Variants in SLC4A4 observed in about 807,000 individuals in gnomAD.
SLC4A4 encodes electrogenic sodium bicarbonate cotransporter 1.
Under a neutral mutation model 111.5 loss-of-function variants are expected in SLC4A4, and 27 were observed. The ratio of observed to expected loss-of-function variants is 0.24; its 90% CI spans 0.18 to 0.33. The LOEUF (loss-of-function observed/expected upper bound fraction) is 0.33, where lower values mean the gene tolerates loss of function less well. SLC4A4 is among the 10% of genes least tolerant of loss of function. The probability of loss-of-function intolerance (pLI) is 1.00; values close to 1 mark genes in which losing one functional copy is unlikely to be tolerated. For synonymous variants in SLC4A4, 443 were observed against 463.4 expected, an observed-to-expected ratio of 0.96 and a Z score of 0.57; for missense variants, 909 against 1,315.5, an observed-to-expected ratio of 0.69 and a Z score of 4.78.
chr4:71,279,221 CA>C (rs1179811211), intron 3 of SLC4A4, among the ~76,000 whole-genome samples: 2 of 152,188 alleles, frequency 1.3e-5, no homozygotes, highest in African/African-American at 4.8e-5. Context: ...CTTTGAGCAA[CA>C]CCTCCCATTC....
intron 20 of SLC4A4, among the ~76,000 whole-genome samples, chr4:71,553,090 A>G (rs767983486): frequency 6.6e-5 from 10 of 151,906 alleles, no homozygotes; most frequent in Non-Finnish European, 1.5e-4. Context: ...ATGTTGCATT[A>G]TCATAAGGAA....
chr4:71,292,147 A>G (rs190138231), intron 3 of SLC4A4, among the ~76,000 whole-genome samples: 31 of 152,358 alleles, frequency 2.0e-4, no homozygotes, highest in African/African-American at 7.5e-4. Context: ...CAGTAGTCTC[A>G]ATTATAAAAC....
At chr4:71,467,914 G>A (rs1482534375) in intron 13 of SLC4A4, among the ~76,000 whole-genome samples, 1 of 151,812 alleles carries the variant, frequency 6.6e-6, no homozygotes, top group Non-Finnish European at 1.5e-5. Flanking sequence ...TACATTTTTA[G>A]GATTTTAATT....
At chr4:71,100,406 T>C (rs1369341137) in intron 2 of SLC4A4, among the ~76,000 whole-genome samples, 1 of 151,130 alleles carries the variant, frequency 6.6e-6, no homozygotes, top group Non-Finnish European at 1.5e-5. Context: ...AAATTCAACA[T>C]TCCTTCATTC....
chr4:71,294,188 C>T (rs1014399171), intron 3 of SLC4A4, among the ~76,000 whole-genome samples: 2 of 152,136 alleles, frequency 1.3e-5, no homozygotes, highest in Middle Eastern at 3.2e-3. Context: ...AGTAAGATTT[C>T]TTTGAATTTA....
intron 1 of SLC4A4, among the ~76,000 whole-genome samples, chr4:71,231,182 G>C (rs73828771): frequency 6.6e-6 from 1 of 152,184 alleles, no homozygotes; most frequent in Non-Finnish European, 1.5e-5. Flanking sequence ...GCACTGTGAC[G>C]GGGCAGGCTT....
chr4:71,331,411 A>T (rs533343918), intron 3 of SLC4A4, among the ~76,000 whole-genome samples: 1 of 152,290 alleles, frequency 6.6e-6, no homozygotes, highest in East Asian at 1.9e-4. Context: ...ATAAAAAATG[A>T]TGAGTTCATG....
At chr4:71,560,784 A>C (rs145716236) in intron 23 of SLC4A4, among the ~76,000 whole-genome samples, 264 of 151,900 alleles carry the variant, frequency 1.7e-3, no homozygotes, top group Non-Finnish European at 3.1e-3. Context: ...ATTTTTCTGT[A>C]GTTCTTCAAT....
In SLC4A4 at chr4:71,455,620, T is replaced by C. The variant is rs991789253; in HGVS notation, c.1497+1951T>C. 1.1e-4 allele frequency among the ~76,000 whole-genome samples: 17 copies of C among 152,162 alleles called. 1 individual carries two copies. The highest frequency in any genetic ancestry group is 3.9e-4 in the Admixed American group (6 of 15,268). On this transcript the variant is annotated intron_variant, in intron 12 of 25. Transcript: ENST00000264485. ...TTTGAGAGGGCGGTAAGAACAAAAC[T>C]GTCTTCCGTCTGTCAGAATGTATAG... is the stretch of plus-strand genomic sequence containing the variant.
chr4:71,127,342 A>C (rs1410004071), intron 2 of SLC4A4, among the ~76,000 whole-genome samples: 1 of 152,226 alleles, frequency 6.6e-6, no homozygotes, highest in Non-Finnish European at 1.5e-5. Flanking sequence ...ACAGCTACAC[A>C]TACTATAATA....
In SLC4A4 at chr4:71,100,226, C is replaced by T. The variant is rs13142068; in HGVS notation, c.-2+7434C>T. Among the ~76,000 whole-genome samples, 673 of 152,124 alleles carry T rather than the reference C, an allele frequency of 4.4e-3. 7 individuals carry two copies. The highest frequency in any genetic ancestry group is 7.1e-3 in the Non-Finnish European group (480 of 68,014). On this transcript the variant is annotated intron_variant, in intron 2 of 26. Transcript: ENST00000649996. ...CAATGAAATACTTGCAAATCGAATC[C>T]AGCAGCACATCAAAAAGCTAATCCA... is the stretch of plus-strand genomic sequence containing the variant.
intron 3 of SLC4A4, among the ~76,000 whole-genome samples, chr4:71,270,870 T>C (rs1301007054): frequency 6.6e-6 from 1 of 152,240 alleles, no homozygotes; most frequent in African/African-American, 2.4e-5. Context: ...CTGCACTGTC[T>C]TCTAAGCAAA....
intron 2 of SLC4A4, among the ~76,000 whole-genome samples, chr4:71,096,200 A>G (rs957735124): frequency 1.3e-5 from 2 of 152,154 alleles, no homozygotes; most frequent in Admixed American, 6.5e-5. Context: ...TGACTCACAA[A>G]GGTAGAAAAT....
chr4:71,562,588 T>C (rs1043921375), intron 23 of SLC4A4, among the ~76,000 whole-genome samples: 2 of 151,726 alleles, frequency 1.3e-5, no homozygotes, highest in African/African-American at 4.8e-5. Context: ...CTTTTTTTTT[T>C]CTTTCCATTT....
chr4:71,433,099 G>A (rs1181916162), intron 7 of SLC4A4, among the ~76,000 whole-genome samples: 1 of 152,072 alleles, frequency 6.6e-6, no homozygotes, highest in Non-Finnish European at 1.5e-5. Flanking sequence ...CAAAGTGACT[G>A]TGTTAAGCAG....
intron 6 of SLC4A4, among the ~76,000 whole-genome samples, chr4:71,376,152 T>TAC (rs1469538400): frequency 1.8e-5 from 1 of 55,694 alleles, no homozygotes; most frequent in Non-Finnish European, 3.5e-5. Flanking sequence ...TATACCTGTA[T>TAC]ATATACACAC....
chr4:71,398,517 G>T (rs1232689575), intron 7 of SLC4A4, among the ~76,000 whole-genome samples: 1 of 152,096 alleles, frequency 6.6e-6, no homozygotes, highest in African/African-American at 2.4e-5. Flanking sequence ...AAATATCTCT[G>T]CAAGAAAATT....
intron 2 of SLC4A4, among the ~76,000 whole-genome samples, chr4:71,111,414 T>A (rs190638016): frequency 3.3e-4 from 50 of 151,640 alleles, no homozygotes; most frequent in African/African-American, 1.2e-3. Context: ...CAGGCTGGAG[T>A]GCAATGACGT....
chr4:71,322,638 T>G (rs1215370467), intron 3 of SLC4A4, among the ~76,000 whole-genome samples: 1 of 151,976 alleles, frequency 6.6e-6, no homozygotes, highest in African/African-American at 2.4e-5. Context: ...TGTTCACTCT[T>G]AAGCAGAGTG....
Sources: allele counts gnomAD v4.1 joint callset (sites outside exome capture counted in the v4.1 genomes callset), GRCh38; gene constraint gnomAD v4.1.1; transcripts MANE v1.5; gene names NCBI Gene and HGNC (gene_info 2026-07-23, HGNC 2026-07-21).